Variants in LINGO2 observed in about 807,000 individuals in gnomAD.
LINGO2 encodes leucine rich repeat and Ig domain containing 2, also known as leucine-rich repeat and immunoglobulin-like domain-containing nogo receptor-interacting protein 2.
In LINGO2, 14 loss-of-function variants were observed where a neutral mutation model predicts 30.6. The observed-to-expected ratio is 0.46, with a 90% confidence interval of 0.30 to 0.72. LINGO2 has a LOEUF of 0.72. Ranked by LOEUF, LINGO2 falls within the 30% of genes least tolerant of loss-of-function variation. The probability of loss-of-function intolerance (pLI) is 0.07; values close to 1 mark genes in which losing one functional copy is unlikely to be tolerated. For missense variants in LINGO2, 729 were observed against 751.7 expected, an observed-to-expected ratio of 0.97 and a Z score of 0.35; for synonymous variants, 317 against 288.5, an observed-to-expected ratio of 1.10 and a Z score of -1.00.
At chr9:28,923,175 C>A in the LINGO2 span, among the ~76,000 whole-genome samples, 5 of 152,086 alleles carry the variant, frequency 3.3e-5, no homozygotes, top group Non-Finnish European at 7.4e-5. Flanking sequence ...GATTTTCAGC[C>A]CAGGAAAACT....
intron 4 of LINGO2, among the ~76,000 whole-genome samples, chr9:28,256,569 T>C (rs1185271690): frequency 4.6e-5 from 7 of 151,862 alleles, no homozygotes; most frequent in African/African-American, 1.7e-4. Context: ...AGAAAGATAA[T>C]GTGGTAAGAA....
At chr9:28,876,526 T>TA in the LINGO2 span, among the ~76,000 whole-genome samples, 1 of 152,056 alleles carries the variant, frequency 6.6e-6, no homozygotes, top group African/African-American at 2.4e-5. Flanking sequence ...TTGCTATACT[T>TA]TACTGAGAAT....
the LINGO2 span, among the ~76,000 whole-genome samples, chr9:28,956,239 G>A: frequency 2.6e-5 from 4 of 151,986 alleles, no homozygotes; most frequent in Non-Finnish European, 5.9e-5. Flanking sequence ...TGTCTCTAAG[G>A]ACAGGAAAAG....
chr9:28,003,480 A>G (rs370268317), intron 5 of LINGO2, among the ~76,000 whole-genome samples: 1 of 152,150 alleles, frequency 6.6e-6, no homozygotes, highest in Non-Finnish European at 1.5e-5. Context: ...GATTTTTGAG[A>G]TGGAGTCTCG....
At chr9:29,057,152 G>A in the LINGO2 span, among the ~76,000 whole-genome samples, 1 of 151,966 alleles carries the variant, frequency 6.6e-6, no homozygotes, top group South Asian at 2.1e-4. Flanking sequence ...GCATTTTGAT[G>A]GGAAGGGAAT....
At chr9:29,127,937 T>TTGAC in the LINGO2 span, among the ~76,000 whole-genome samples, 1 of 152,132 alleles carries the variant, frequency 6.6e-6, no homozygotes, top group Non-Finnish European at 1.5e-5. Context: ...CTTAAGCGAT[T>TTGAC]TGACCTCCCT....
At chr9:29,010,477 T>C in the LINGO2 span, among the ~76,000 whole-genome samples, 1 of 152,100 alleles carries the variant, frequency 6.6e-6, no homozygotes, top group Non-Finnish European at 1.5e-5. Context: ...AGAAAGAAGG[T>C]TGAAACAGAA....
the LINGO2 span, among the ~76,000 whole-genome samples, chr9:29,088,157 T>C: frequency 6.6e-6 from 1 of 152,114 alleles, no homozygotes; most frequent in African/African-American, 2.4e-5. Context: ...TTGAATAATG[T>C]GTTACTTTTA....
At chr9:28,878,183 T>A in the LINGO2 span, among the ~76,000 whole-genome samples, 5 of 151,632 alleles carry the variant, frequency 3.3e-5, no homozygotes, top group African/African-American at 1.2e-4. Context: ...AGAAATACAA[T>A]CTACCATCAG....
the LINGO2 span, among the ~76,000 whole-genome samples, chr9:28,863,077 T>A: frequency 4.6e-5 from 7 of 152,214 alleles, no homozygotes; most frequent in Admixed American, 3.9e-4. Context: ...AATTTTAATA[T>A]ATGCCATCAA....
the LINGO2 span, among the ~76,000 whole-genome samples, chr9:28,860,042 A>C: frequency 6.6e-6 from 1 of 152,096 alleles, no homozygotes; most frequent in African/African-American, 2.4e-5. Context: ...TCATAAACTA[A>C]TTGAATTTCC....
At chr9:29,156,234 A>G in the LINGO2 span, among the ~76,000 whole-genome samples, 1 of 152,132 alleles carries the variant, frequency 6.6e-6, no homozygotes, top group Non-Finnish European at 1.5e-5. Context: ...GATGTAACTC[A>G]AAGCCCATGA....
chr9:28,776,479 A>G, the LINGO2 span, among the ~76,000 whole-genome samples: 1 of 152,206 alleles, frequency 6.6e-6, no homozygotes, highest in Admixed American at 6.5e-5. Flanking sequence ...AAGTTTACTC[A>G]AATTCAATAT....
At chr9:28,512,124 T>C (rs1820411569) in intron 1 of LINGO2, among the ~76,000 whole-genome samples, 1 of 152,082 alleles carries the variant, frequency 6.6e-6, no homozygotes, top group South Asian at 2.1e-4. Context: ...CCCGATCACA[T>C]ATGTAGCACT....
the LINGO2 span, among the ~76,000 whole-genome samples, chr9:28,763,034 T>C: frequency 6.6e-6 from 1 of 152,126 alleles, no homozygotes; most frequent in African/African-American, 2.4e-5. Flanking sequence ...ACAGTTTATT[T>C]TGTTCTGTGA....
intron 4 of LINGO2, among the ~76,000 whole-genome samples, chr9:28,047,630 G>C (rs1004833144): frequency 6.6e-6 from 1 of 150,788 alleles, no homozygotes; most frequent in Non-Finnish European, 1.5e-5. Context: ...CCTCGGGAGA[G>C]TTATGGTGAT....
intron 4 of LINGO2, among the ~76,000 whole-genome samples, chr9:28,028,944 G>A (rs1823526353): frequency 6.6e-6 from 1 of 152,052 alleles, no homozygotes; most frequent in Non-Finnish European, 1.5e-5. Context: ...GGTACAGCAG[G>A]CCCCAAGGCA....
At chr9:28,883,337 C>G in the LINGO2 span, among the ~76,000 whole-genome samples, 8 of 151,270 alleles carry the variant, frequency 5.3e-5, no homozygotes, top group Non-Finnish European at 7.4e-5. Context: ...TGTGCCCGGC[C>G]TAGTCTTTTT....
At position 28,362,713 on chromosome 9, in the gene LINGO2, G is replaced by A. The variant is rs548138996; in HGVS notation, c.-246+10123C>T. ...TCGAACTCCCAACCTCAGGTAATCC[G>A]CCTGCCTCAGCCTCCAAAGTGCAGG... On this transcript the variant is annotated intron_variant, in intron 3 of 5. Transcript: ENST00000379992. 1.9e-3 allele frequency among the ~76,000 whole-genome samples: 293 copies of A among 152,096 alleles called. 1 individual carries two copies. Among genetic ancestry groups the A allele is most frequent in the African/African-American group, 6.8e-3 (282 of 41,514 alleles).
Sources: allele counts gnomAD v4.1 joint callset (sites outside exome capture counted in the v4.1 genomes callset), GRCh38; gene constraint gnomAD v4.1.1; transcripts MANE v1.5; gene names NCBI Gene and HGNC (gene_info 2026-07-23, HGNC 2026-07-21).